Variants in MYO5B observed in about 807,000 individuals in gnomAD.
MYO5B encodes the protein myosin VB, also known as unconventional myosin-Vb.
MYO5B carries 143 observed loss-of-function variants against 229.3 expected under a neutral mutation model. That is an observed-to-expected ratio of 0.62 (90% CI 0.54 to 0.72). The LOEUF is 0.72. Among genes scored for constraint, MYO5B ranks in the 30% least tolerant of loss-of-function variants. The probability of loss-of-function intolerance (pLI) is 0.00; values close to 1 mark genes in which losing one functional copy is unlikely to be tolerated. For missense variants in MYO5B, 2,321 were observed against 2,331.0 expected (o/e 1.00, Z 0.09); for synonymous variants, 918 against 885.2 (o/e 1.04, Z -0.66).
rs1263465065 is a variant in MYO5B, at chr18:49,847,274, G to A, written c.4331C>T (p.Ala1444Val). The change falls in exon 33 of 40, where the codon GCC becomes GTC. Residue 1444 changes from alanine (A) to valine (V), a missense_variant. Ala to Val is a moderately conservative substitution (Grantham distance 64, BLOSUM62 0). Transcript: ENST00000285039. ...AQDLEAAQAL[A>V]QSERKRHELN... is the part of the protein sequence containing the mutation. ...CTCATGGCGCTTCCTCTCACTCTGG[G>A]CCAATGCCTGGGCAGCTGAGCAGGA... 1.2e-6 allele frequency: 2 copies of A among 1,613,604 alleles called. No homozygotes were observed. Among genetic ancestry groups the A allele is most frequent in the Non-Finnish European group, 1.7e-6 (2 of 1,180,014 alleles).
At chr18:50,004,333 C>G (rs2074556647) in intron 4 of MYO5B, among the ~76,000 whole-genome samples, 1 of 152,146 alleles carries the variant, frequency 6.6e-6, no homozygotes, top group Non-Finnish European at 1.5e-5. Flanking sequence ...AAGAAATTAT[C>G]AAGAGTTATA....
intron 5 of MYO5B, among the ~76,000 whole-genome samples, chr18:49,997,369 C>CTTTTTTTTTTTTTTTTTTTTT (rs34011258): frequency 9.9e-5 from 6 of 60,354 alleles, no homozygotes; most frequent in African/African-American, 4.3e-4. Context: ...TCCTTTCTTT[C>CTTTTTTTTTTTTTTTTTTTTT]TTTTTTTTTT....
At chr18:49,849,884 C>G (rs1467443631) in intron 31 of MYO5B, 2 of 559,488 alleles carry the variant, frequency 3.6e-6, no homozygotes, top group Non-Finnish European at 6.5e-6. Flanking sequence ...TCTCTCAAGG[C>G]AAGACTCCTC....
intron 1 of MYO5B, among the ~76,000 whole-genome samples, chr18:50,059,735 T>C (rs959410698): frequency 1.3e-5 from 2 of 152,208 alleles, no homozygotes; most frequent in Admixed American, 6.5e-5. Flanking sequence ...TCTTACTTTA[T>C]GGATTCTCAG....
intron 17 of MYO5B, among the ~76,000 whole-genome samples, chr18:49,912,911 T>C (rs1312145142): frequency 6.6e-6 from 1 of 152,246 alleles, no homozygotes; most frequent in Non-Finnish European, 1.5e-5. Context: ...AGAATACTGC[T>C]CATTGTAAAC....
intron 2 of MYO5B, among the ~76,000 whole-genome samples, chr18:50,041,802 C>A (rs2030023703): frequency 6.6e-6 from 1 of 152,038 alleles, no homozygotes. Context: ...AAACTTTAAA[C>A]CTATCATAAA....
At chr18:49,931,527 G>T (rs933064557) in intron 16 of MYO5B, among the ~76,000 whole-genome samples, 2 of 152,218 alleles carry the variant, frequency 1.3e-5, no homozygotes, top group African/African-American at 4.8e-5. Context: ...TCTAACTAGA[G>T]TAAAAGCCCC....
intron 34 of MYO5B, among the ~76,000 whole-genome samples, chr18:49,842,107 AAAAG>A (rs2024065352): frequency 1.3e-5 from 2 of 152,156 alleles, no homozygotes; most frequent in East Asian, 1.9e-4. Flanking sequence ...AAAAAAAAAA[AAAAG>A]AAATGAGGTT....
intron 1 of MYO5B, among the ~76,000 whole-genome samples, chr18:50,143,958 C>G (rs73430370): frequency 1.3e-5 from 2 of 152,168 alleles, no homozygotes; most frequent in Non-Finnish European, 2.9e-5. Context: ...CATCATCTAG[C>G]CGGACAGAAT....
intron 4 of MYO5B, among the ~76,000 whole-genome samples, chr18:50,034,744 A>G (rs1434716185): frequency 6.6e-6 from 1 of 152,136 alleles, no homozygotes; most frequent in Non-Finnish European, 1.5e-5. Flanking sequence ...ACTCCATCTC[A>G]AAAACAAAAC....
intron 39 of MYO5B, among the ~76,000 whole-genome samples, chr18:49,827,537 A>G (rs774862531): frequency 8.5e-5 from 13 of 152,218 alleles, no homozygotes; most frequent in Non-Finnish European, 1.8e-4. Flanking sequence ...ACTGAAATGA[A>G]AAATTCACTA....
intron 1 of MYO5B, among the ~76,000 whole-genome samples, chr18:50,191,085 T>C (rs1371353807): frequency 6.6e-6 from 1 of 152,232 alleles, no homozygotes. Context: ...ACGACTTCCC[T>C]GTGTAACTTA....
intron 10 of MYO5B, among the ~76,000 whole-genome samples, chr18:49,969,150 G>A (rs917051993): frequency 9.2e-5 from 14 of 152,294 alleles, no homozygotes; most frequent in Non-Finnish European, 8.8e-5. Context: ...GATCTTCTGG[G>A]CTGTCCAGGG....
chr18:49,872,613 G>A (rs2024469219), intron 26 of MYO5B, among the ~76,000 whole-genome samples: 1 of 152,172 alleles, frequency 6.6e-6, no homozygotes, highest in Admixed American at 6.6e-5. Context: ...ATGTAATCAA[G>A]TTAAGCTGGG....
chr18:49,973,321 C>T lies in MYO5B; in HGVS notation c.1322+1029G>A, dbSNP rs923584387. Among the ~76,000 whole-genome samples, 14 of 152,174 alleles carry T rather than the reference C, an allele frequency of 9.2e-5. 1 individual carries two copies. The highest frequency in any genetic ancestry group is 3.3e-4 in the Admixed American group (5 of 15,284). On this transcript the variant is annotated intron_variant, in intron 10 of 39. Coordinates refer to ENST00000285039, the MANE Select transcript of MYO5B (RefSeq NM_001080467.3). ...AGATGTAATCAGGAGAGCCTGTCTC[C>T]GCATGCCACGTGGGGAAGTGGCCAC...
chr18:49,992,668 C>T (rs888088634), intron 5 of MYO5B, among the ~76,000 whole-genome samples: 1 of 152,180 alleles, frequency 6.6e-6, no homozygotes, highest in Admixed American at 6.5e-5. Context: ...GTGGGGTCTT[C>T]AAAGGGGACT....
chr18:49,966,113 C>A (rs1357453380), intron 10 of MYO5B, among the ~76,000 whole-genome samples: 1 of 152,116 alleles, frequency 6.6e-6, no homozygotes, highest in East Asian at 1.9e-4. Flanking sequence ...GCAGAGGGAA[C>A]ACCACAGATA....
At chr18:50,063,082 C>T (rs2030729358) in intron 1 of MYO5B, among the ~76,000 whole-genome samples, 1 of 152,072 alleles carries the variant, frequency 6.6e-6, no homozygotes, top group Non-Finnish European at 1.5e-5. Context: ...TGAATAAAAC[C>T]AGAGAGGACT....
intron 17 of MYO5B, among the ~76,000 whole-genome samples, chr18:49,912,974 C>T (rs1338190814): frequency 6.6e-6 from 1 of 152,204 alleles, no homozygotes; most frequent in Non-Finnish European, 1.5e-5. Context: ...TGGCCGTATC[C>T]TAACCCCTGG....
Sources: allele counts gnomAD v4.1 joint callset (sites outside exome capture counted in the v4.1 genomes callset), GRCh38; gene constraint gnomAD v4.1.1; transcripts MANE v1.5; gene names NCBI Gene and HGNC (gene_info 2026-07-23, HGNC 2026-07-21).